Variants in KAZN observed in about 807,000 individuals in gnomAD.
The protein encoded by KAZN is kazrin, periplakin interacting protein.
KAZN carries 40 observed loss-of-function variants against 87.4 expected under a neutral mutation model. That is an observed-to-expected ratio of 0.46 (90% CI 0.36 to 0.60). The LOEUF is 0.60. Among genes scored for constraint, KAZN ranks in the 20% least tolerant of loss-of-function variants. The pLI is 0.00. For missense variants in KAZN, 898 were observed against 1,073.9 expected (o/e 0.84, Z 2.29); for synonymous variants, 466 against 458.3 (o/e 1.02, Z -0.22).
At chr1:14,721,316 G>A (rs1643092720) in intron 1 of KAZN, among the ~76,000 whole-genome samples, 3 of 152,160 alleles carry the variant, frequency 2.0e-5, no homozygotes, top group African/African-American at 7.2e-5. Flanking sequence ...CCTACCTTCA[G>A]TCTGCACTTC....
At chr1:15,031,879 A>C (rs1671746930) in intron 2 of KAZN, among the ~76,000 whole-genome samples, 1 of 152,152 alleles carries the variant, frequency 6.6e-6, no homozygotes, top group South Asian at 2.1e-4. Flanking sequence ...AGGTGCTAGG[A>C]TTACAAGCAT....
At chr1:14,095,863 A>T (rs893360136) in intron 1 of KAZN, among the ~76,000 whole-genome samples, 1 of 152,196 alleles carries the variant, frequency 6.6e-6, no homozygotes, top group Non-Finnish European at 1.5e-5. Flanking sequence ...CAAGCATAAG[A>T]CCACCTAGAT....
intron 2 of KAZN, among the ~76,000 whole-genome samples, chr1:14,293,617 C>T (rs1390802933): frequency 6.6e-6 from 1 of 151,954 alleles, no homozygotes; most frequent in Non-Finnish European, 1.5e-5. Context: ...CTCTCCTGTC[C>T]CTCTTTCAAT....
In KAZN at chr1:15,104,170, G is replaced by A. The variant is rs111675679; in HGVS notation, c.2029G>A (p.Ala677Thr). Reference sequence around the variant, plus strand: ...GAGACACCTGGCAGAGGAGATGAGCGCCGTCTTCCACCCAGCCAAGTGAGC... The same window carrying A: ...GAGACACCTGGCAGAGGAGATGAGCACCGTCTTCCACCCAGCCAAGTGAGC... ...LRRHLAEEMS[A>T]VFHPANSTGI... Residue 677 changes from alanine (A) to threonine (T), a missense_variant, in exon 13 of 15, where the codon GCC becomes ACC. This residue lies in a region of KAZN where 521 missense variants were observed against 689.4 expected (regional missense o/e 0.76). Transcript: ENST00000376030. The A allele has an allele frequency of 1.9e-4, 303 of 1,589,104 alleles. No individual in the cohort carries two copies. Among genetic ancestry groups the A allele is most frequent in the Middle Eastern group, 6.6e-4 (4 of 6,034 alleles).
At chr1:14,203,532 A>G (rs1646681976) in intron 2 of KAZN, among the ~76,000 whole-genome samples, 1 of 152,220 alleles carries the variant, frequency 6.6e-6, no homozygotes, top group African/African-American at 2.4e-5. Flanking sequence ...TTAAGAAATG[A>G]TGGTATTTCA....
At chr1:14,992,328 A>G (rs1319467237) in intron 2 of KAZN, among the ~76,000 whole-genome samples, 1 of 152,096 alleles carries the variant, frequency 6.6e-6, no homozygotes, top group Non-Finnish European at 1.5e-5. Flanking sequence ...GGGCAGACAC[A>G]CCTCTAATGC....
intron 2 of KAZN, among the ~76,000 whole-genome samples, chr1:14,501,088 T>C (rs1362512830): frequency 2.3e-4 from 5 of 22,016 alleles, no homozygotes; most frequent in Non-Finnish European, 4.7e-4. Context: ...AAAAAATAAA[T>C]AAATAAATAA....
intron 1 of KAZN, among the ~76,000 whole-genome samples, chr1:14,870,164 A>C (rs1167823200): frequency 1.3e-5 from 2 of 152,138 alleles, no homozygotes; most frequent in African/African-American, 2.4e-5. Context: ...TTCCTTGAAC[A>C]TGGAGTCTAG....
chr1:14,840,098 A>G (rs539028550), intron 1 of KAZN, among the ~76,000 whole-genome samples: 1 of 150,694 alleles, frequency 6.6e-6, no homozygotes, highest in Non-Finnish European at 1.5e-5. Context: ...CTTCCTTCAC[A>G]TTGTGTTGTT....
chr1:14,643,199 G>A (rs925190099), intron 1 of KAZN, among the ~76,000 whole-genome samples: 14 of 152,174 alleles, frequency 9.2e-5, no homozygotes, highest in African/African-American at 2.7e-4. Context: ...AGAGGTACAT[G>A]TGAAGGTTTG....
intron 1 of KAZN, among the ~76,000 whole-genome samples, chr1:14,689,045 A>G (rs1055717565): frequency 1.3e-5 from 2 of 152,100 alleles, no homozygotes; most frequent in Admixed American, 6.5e-5. Context: ...AATCCAAAAA[A>G]TTAGCCAGAC....
intron 1 of KAZN, among the ~76,000 whole-genome samples, chr1:14,637,739 T>TA (rs1184712673): frequency 6.6e-6 from 1 of 151,754 alleles, no homozygotes; most frequent in Non-Finnish European, 1.5e-5. Flanking sequence ...TGTGGGGACC[T>TA]AAAAAAAGAA....
chr1:13,938,413 G>C (rs1031788451), intron 1 of KAZN, among the ~76,000 whole-genome samples: 7 of 152,140 alleles, frequency 4.6e-5, no homozygotes, highest in Non-Finnish European at 7.3e-5. Flanking sequence ...TCAAATCTAG[G>C]AGTCTTTTGG....
At chr1:14,084,871 A>T (rs1643805536) in intron 1 of KAZN, among the ~76,000 whole-genome samples, 1 of 152,012 alleles carries the variant, frequency 6.6e-6, no homozygotes, top group Non-Finnish European at 1.5e-5. Flanking sequence ...CTAAAACTTA[A>T]AGTATAATAA....
intron 1 of KAZN, among the ~76,000 whole-genome samples, chr1:13,942,546 C>G: frequency 1.4e-5 from 1 of 70,840 alleles, no homozygotes; most frequent in Non-Finnish European, 2.6e-5. Context: ...GACTCCGTCT[C>G]AAAAAAAAAA....
intron 1 of KAZN, among the ~76,000 whole-genome samples, chr1:13,908,680 T>C (rs1639535899): frequency 6.6e-6 from 1 of 152,240 alleles, no homozygotes; most frequent in Non-Finnish European, 1.5e-5. Flanking sequence ...AAGAACCCTT[T>C]GCCATTATCT....
At chr1:14,219,938 C>T (rs945208168) in intron 2 of KAZN, among the ~76,000 whole-genome samples, 1 of 152,216 alleles carries the variant, frequency 6.6e-6, no homozygotes, top group Non-Finnish European at 1.5e-5. Context: ...TTGATCATCT[C>T]TTAGCAACAT....
At chr1:14,823,983 G>A (rs112191788) in intron 1 of KAZN, among the ~76,000 whole-genome samples, 23 of 151,964 alleles carry the variant, frequency 1.5e-4, no homozygotes, top group African/African-American at 4.4e-4. Flanking sequence ...GCATGCTGGC[G>A]CATGCCTGTA....
At chr1:14,271,593 T>C (rs1339294778) in intron 2 of KAZN, among the ~76,000 whole-genome samples, 1 of 152,238 alleles carries the variant, frequency 6.6e-6, no homozygotes, top group African/African-American at 2.4e-5. Flanking sequence ...ATTCTGTCTA[T>C]TTCCTCTCTC....
Sources: allele counts gnomAD v4.1 joint callset (sites outside exome capture counted in the v4.1 genomes callset), GRCh38; gene constraint gnomAD v4.1.1; regional missense constraint gnomAD v4.1.1; transcripts MANE v1.5; gene names NCBI Gene and HGNC (gene_info 2026-07-23, HGNC 2026-07-21).